Variants in ZNF562 observed in about 807,000 individuals in gnomAD.
ZNF562 encodes zinc finger protein 562.
In ZNF562, 13 loss-of-function variants were observed where a neutral mutation model predicts 17.5. That is an observed-to-expected ratio of 0.74 (90% CI 0.48 to 1.18). ZNF562 has a LOEUF of 1.18. ZNF562 is among the 50% of genes most tolerant of loss of function. The pLI is 0.00. For synonymous variants in ZNF562, 163 were observed against 165.4 expected (o/e 0.99, Z 0.11); for missense variants, 481 against 498.5 (o/e 0.96, Z 0.33).
intron 1 of ZNF562, among the ~76,000 whole-genome samples, chr19:9,674,451 G>T (rs1420546576): frequency 6.6e-6 from 1 of 151,782 alleles, no homozygotes; most frequent in Non-Finnish European, 1.5e-5. Context: ...GGAGGTGAAA[G>T]TTGCAGTGAG....
In ZNF562 at chr19:9,645,365, ACGAGTGGG is replaced by A. The variant is rs879381274; in HGVS notation, c.*7576_*7583del. 10 of 152,160 alleles carry A rather than the reference ACGAGTGGG, an allele frequency of 6.6e-5. No individual in the cohort carries two copies. Among genetic ancestry groups the A allele is most frequent in the Non-Finnish European group, 1.5e-4 (10 of 68,064 alleles). 9.4% of individuals were successfully genotyped at this position (152,160 alleles called of 1,614,324 possible). On this transcript the variant is annotated 3_prime_UTR_variant, in exon 6 of 6. Coordinates refer to ENST00000453372, the MANE Select transcript of ZNF562 (RefSeq NM_001130031.2). The stretch of plus-strand genomic sequence containing the variant: ...TGGCCCAGAATTCTTTACTGCTAAC[ACGAGTGGG>A]CCTGGTTCTGGAGGATTTCCCAGTG...
In ZNF562 at chr19:9,645,056, T is replaced by A. The variant is rs2074797435; in HGVS notation, c.*7893A>T. On this transcript the variant is annotated 3_prime_UTR_variant, in exon 6 of 6. Transcript: ENST00000453372. ...CTCTGTGAACATTGACAGAATTTTT[T>A]TTTTTTTTTTGAGACAGAGTCTCAC... 5 of 152,036 alleles carry A rather than the reference T, an allele frequency of 3.3e-5. No individual in the cohort carries two copies. In the South Asian group the frequency reaches 1.0e-3, roughly 32 times the overall value. The allele number at this position is 152,036 out of a possible 1,614,324, so 9.4% of individuals were successfully genotyped here.
Position 9,652,735 on chromosome 19 carries a change from T to C in ZNF562, c.*214A>G. 1 of 425,072 alleles carries C rather than the reference T, an allele frequency of 2.4e-6. No homozygotes were observed. Among genetic ancestry groups the C allele is most frequent in the Non-Finnish European group, 4.1e-6 (1 of 245,396 alleles). 26.3% of individuals were successfully genotyped at this position (425,072 alleles called of 1,614,324 possible). A position where few individuals can be genotyped will look rare whatever the true frequency, so the allele number is the denominator to read the frequency against. On this transcript the variant is annotated 3_prime_UTR_variant, in exon 6 of 6. Transcript: ENST00000453372. The stretch of plus-strand genomic sequence containing the variant: ...AATCTGATGATCTTTGCACTGCCAA[T>C]AATTAAAGATGGCAACCAATGGGCT...
chr19:9,655,813 G>A (rs2043458484), intron 5 of ZNF562, among the ~76,000 whole-genome samples: 1 of 128,090 alleles, frequency 7.8e-6, no homozygotes, highest in Non-Finnish European at 1.6e-5. Context: ...GGCTCACTCA[G>A]CAACCTCGGC....
chr19:9,649,852 C>G lies in ZNF562; in HGVS notation c.*3097G>C, dbSNP rs987659326. On this transcript the variant is annotated 3_prime_UTR_variant, in exon 6 of 6. Transcript: ENST00000453372. ...CCCACACCTATTTGCACACTCCCTC[C>G]CCTTTTGAAAATCCCTAATAAAAAC... The G allele has an allele frequency of 4.6e-5, 7 of 152,130 alleles. No individual in the cohort carries two copies. The highest frequency in any genetic ancestry group is 1.0e-4 in the Non-Finnish European group (7 of 68,040). The allele number at this position is 152,130 out of a possible 1,614,324, so 9.4% of individuals were successfully genotyped here.
rs2074854398 is a variant in ZNF562, at chr19:9,650,630, C to T, written c.*2319G>A. ...TGCTGGCACTCTGATCTCAGACTTC[C>T]AGCCTCCAGATATGTGAGAATATAA... On this transcript the variant is annotated 3_prime_UTR_variant, in exon 6 of 6. Transcript: ENST00000453372. The T allele has an allele frequency of 6.6e-6, 1 of 152,132 alleles. No homozygotes were observed. The highest frequency in any genetic ancestry group is 1.5e-5 in the Non-Finnish European group (1 of 68,020). 9.4% of individuals were successfully genotyped at this position (152,132 alleles called of 1,614,324 possible). A position where few individuals can be genotyped will look rare whatever the true frequency, so the allele number is the denominator to read the frequency against.
At chr19:9,662,951 C>A (rs891929830) in intron 1 of ZNF562, among the ~76,000 whole-genome samples, 1 of 151,656 alleles carries the variant, frequency 6.6e-6, no homozygotes, top group Admixed American at 6.6e-5. Flanking sequence ...GAGGTGCCCA[C>A]CTCAGCCTCC....
At position 9,641,965 on chromosome 19, in the gene ZNF562, A is replaced by G. The variant is rs1330450469; in HGVS notation, c.*10984T>C. On this transcript the variant is annotated 3_prime_UTR_variant, in exon 6 of 6. Coordinates refer to ENST00000453372, the MANE Select transcript of ZNF562 (RefSeq NM_001130031.2). ...TTGTAGGCAGTGGGGTGGACGTTAC[A>G]AAGTACATTCTCAAGGGCGGGGAGG... is the stretch of plus-strand genomic sequence containing the variant. The G allele has an allele frequency of 6.6e-6, 1 of 151,918 alleles. No homozygotes were observed. The highest frequency in any genetic ancestry group is 1.5e-5 in the Non-Finnish European group (1 of 68,052). 9.4% of individuals were successfully genotyped at this position (151,918 alleles called of 1,614,324 possible). A position where few individuals can be genotyped will look rare whatever the true frequency, so the allele number is the denominator to read the frequency against.
intron 5 of ZNF562, 59 bp downstream of exon 5, chr19:9,656,488 G>C (rs2043488489): frequency 1.3e-6 from 2 of 1,584,886 alleles, no homozygotes; most frequent in African/African-American, 1.3e-5. Context: ...CAGCCTGGCA[G>C]AGCAAGACTC....
chr19:9,665,969 A>T (rs1599309565), intron 1 of ZNF562, among the ~76,000 whole-genome samples: 1 of 151,630 alleles, frequency 6.6e-6, no homozygotes, highest in South Asian at 2.1e-4. Context: ...TAATCACACC[A>T]CTGCACTCCA....
In ZNF562 at chr19:9,643,373, G is replaced by GA. The variant is rs61364769; in HGVS notation, c.*9575dup. 3.3e-3 allele frequency: 486 copies of GA among 148,138 alleles called. 4 individuals are homozygous for GA. Among genetic ancestry groups the GA allele is most frequent in the African/African-American group, 0.01 (413 of 40,576 alleles). The allele number at this position is 148,138 out of a possible 1,614,324, so 9.2% of individuals were successfully genotyped here. A position where few individuals can be genotyped will look rare whatever the true frequency, so the allele number is the denominator to read the frequency against. ...TGTCATTCATAAATAAATAAGTTTA[G>GA]AAAAAAAAAATGTGTCTGAAAGGGT... On this transcript the variant is annotated 3_prime_UTR_variant, in exon 6 of 6. Coordinates refer to ENST00000453372, the MANE Select transcript of ZNF562 (RefSeq NM_001130031.2).
Position 9,657,039 on chromosome 19 carries a change from C to CA in ZNF562, c.242-387dup, listed in dbSNP as rs1301187261. On this transcript the variant is annotated intron_variant, in intron 4 of 5. Coordinates refer to ENST00000453372, the MANE Select transcript of ZNF562 (RefSeq NM_001130031.2). ...TGGGTGACAGAACGAGACTCCATCT[C>CA]AAAAAAAAAAAAGAAAAAAGAAAAC... Among the ~76,000 whole-genome samples, 730 of 113,616 alleles carry CA rather than the reference C, an allele frequency of 6.4e-3. 4 individuals are homozygous for CA. Among genetic ancestry groups the CA allele is most frequent in the African/African-American group, 0.013 (396 of 30,512 alleles). The allele number at this position is 113,616 out of a possible 152,430, so 74.5% of individuals were successfully genotyped here.
At chr19:9,671,953 C>T (rs2044215586) in intron 1 of ZNF562, among the ~76,000 whole-genome samples, 2 of 152,204 alleles carry the variant, frequency 1.3e-5, no homozygotes, top group Admixed American at 6.5e-5. Context: ...GAAGTACATA[C>T]TGTCACCCAT....
intron 4 of ZNF562, 74 bp from the exon 5 acceptor site, chr19:9,656,727 G>GA: frequency 6.7e-7 from 1 of 1,490,422 alleles, no homozygotes; most frequent in South Asian, 1.1e-5. Flanking sequence ...AACACAGTAT[G>GA]AAAATAAAAG....
intron 5 of ZNF562, among the ~76,000 whole-genome samples, chr19:9,655,609 A>C (rs1331714897): frequency 1.3e-5 from 2 of 151,012 alleles, no homozygotes; most frequent in Non-Finnish European, 2.9e-5. Flanking sequence ...TAGTAGAGAC[A>C]GAGTTTCACC....
rs57141679 is a variant in ZNF562 at position 9,653,992 on chromosome 19, A to ATTTT, written c.349-115_349-112dup. The stretch of plus-strand genomic sequence containing the variant: ...CAATTATTTTACTTTTTAATGTTTA[A>ATTTT]TTTTTTTTTTTTTTTTGAGACAGAG... On this transcript the variant is annotated intron_variant, in intron 5 of 5. Coordinates refer to ENST00000453372, the MANE Select transcript of ZNF562 (RefSeq NM_001130031.2). 4,052 of 1,006,852 alleles carry ATTTT rather than the reference A, an allele frequency of 4.0e-3. 118 individuals carry two copies. The African/African-American group carries it at 0.065, about 16-fold the overall frequency. The allele number at this position is 1,006,852 out of a possible 1,614,324, so 62.4% of individuals were successfully genotyped here.
At chr19:9,666,288 A>C (rs1477733479) in intron 1 of ZNF562, among the ~76,000 whole-genome samples, 2 of 149,798 alleles carry the variant, frequency 1.3e-5, no homozygotes, top group Non-Finnish European at 3.0e-5. Flanking sequence ...GCACTATTGC[A>C]CTCCAGCCTG....
chr19:9,667,171 A>G (rs1472512819), intron 1 of ZNF562, among the ~76,000 whole-genome samples: 1 of 152,210 alleles, frequency 6.6e-6, no homozygotes, highest in Non-Finnish European at 1.5e-5. Context: ...CATTCATCAC[A>G]ATCAAGTGAA....
intron 5 of ZNF562, among the ~76,000 whole-genome samples, chr19:9,656,031 C>T (rs1353680213): frequency 6.6e-6 from 1 of 152,024 alleles, no homozygotes; most frequent in Non-Finnish European, 1.5e-5. Context: ...CCACATCCAG[C>T]CTCTTTTTAA....
Sources: gnomAD v4.1 joint callset for allele counts (sites outside exome capture counted in the v4.1 genomes callset) on GRCh38, gnomAD v4.1.1 for gene constraint, MANE v1.5 for transcripts, NCBI Gene and HGNC (gene_info 2026-07-23, HGNC 2026-07-21) for gene names.